ADAMTS2: variants seen among roughly 807,000 people sequenced by gnomAD.
The protein encoded by ADAMTS2 is A disintegrin and metalloproteinase with thrombospondin motifs 2.
A neutral mutation model predicts 123.0 loss-of-function variants in ADAMTS2; 50 were observed. The ratio of observed to expected loss-of-function variants is 0.41; its 90% CI spans 0.32 to 0.51. The LOEUF (loss-of-function observed/expected upper bound fraction) is 0.51, where lower values mean the gene tolerates loss of function less well. Among genes scored for constraint, ADAMTS2 ranks in the 20% least tolerant of loss-of-function variants. ADAMTS2 has a pLI of 0.35. For missense variants in ADAMTS2, 1,494 were observed against 1,705.2 expected (o/e 0.88, Z 2.18); for synonymous variants, 678 against 695.4 (o/e 0.98, Z 0.39).
Position 179,343,910 on chromosome 5 carries a change from C to G in ADAMTS2, c.391G>C (p.Val131Leu), listed in dbSNP as rs759511542. 1 of 1,606,030 alleles carries G rather than the reference C, an allele frequency of 6.2e-7. No homozygotes were observed. The highest frequency in any genetic ancestry group is 2.2e-5 in the East Asian group (1 of 44,576). Residue 131 changes from valine to leucine, a missense_variant, in exon 2 of 22, where the codon GTG becomes CTG. Physicochemically the swap from Val to Leu is conservative, Grantham distance 32. Transcript: ENST00000251582. ...CACTCCATAGTGGCCCCGGGCGCCA[C>G]GAGGCGGGCGTTGGGCCGCAGCCGC... ...HLRLRPNARL[V>L]APGATMEWQG...
At chr5:179,171,537 C>G (rs931146925) in intron 5 of ADAMTS2, among the ~76,000 whole-genome samples, 1 of 152,218 alleles carries the variant, frequency 6.6e-6, no homozygotes, top group African/African-American at 2.4e-5. Context: ...CAGAGAAGGG[C>G]ACAGCAGCGG....
At position 179,299,249 on chromosome 5, in the gene ADAMTS2, T is replaced by G. The variant is rs147133147; in HGVS notation, c.535-26185A>C. On this transcript the variant is annotated intron_variant, in intron 2 of 21. Transcript: ENST00000251582. ...GTAGTGGCTTAAAAACACAAATTTG[T>G]CCAGGCGCGGTGGCTCACGCCTGTA... is the stretch of plus-strand genomic sequence containing the variant. Among the ~76,000 whole-genome samples the G allele has an allele frequency of 8.2e-3, 1,219 of 148,640 alleles. 8 individuals are homozygous for G. Among genetic ancestry groups the G allele is most frequent in the Middle Eastern group, 0.02 (6 of 294 alleles).
chr5:179,345,396 C>A lies in ADAMTS2; in HGVS notation c.-68G>T. 9.2e-7 allele frequency: 1 copy of A among 1,091,922 alleles called. No individual in the cohort carries two copies. The highest frequency in any genetic ancestry group is 1.1e-6 in the Non-Finnish European group (1 of 898,256). 67.6% of individuals were successfully genotyped at this position (1,091,922 alleles called of 1,614,324 possible). On this transcript the variant is annotated 5_prime_UTR_variant, in exon 1 of 22. Transcript: ENST00000251582. This position sits in a 1 kb window ranked among gnomAD's most constrained non-coding sequence, Gnocchi z 7.5. Reference sequence around the variant, plus strand: ...CGAAAGTTCCCCGCGAGCCGCCCAGCCCACATCTGGGGGCAGCTGGAGCCG... The same window carrying A: ...CGAAAGTTCCCCGCGAGCCGCCCAGACCACATCTGGGGGCAGCTGGAGCCG...
At chr5:179,299,589 G>A (rs1382793283) in intron 2 of ADAMTS2, among the ~76,000 whole-genome samples, 1 of 144,348 alleles carries the variant, frequency 6.9e-6, no homozygotes, top group African/African-American at 2.6e-5. Flanking sequence ...CTAGAGATCT[G>A]AAGTCCACAA....
chr5:179,153,931 C>A (rs1260150699), intron 8 of ADAMTS2, 118 bp downstream of exon 8: 33 of 1,401,282 alleles, frequency 2.4e-5, no homozygotes, highest in Non-Finnish European at 3.0e-5. Flanking sequence ...CCCCCGCACA[C>A]AAGCTTAGAG....
Position 179,253,966 on chromosome 5 carries a change from A to C in ADAMTS2, c.688+18945T>G, listed in dbSNP as rs373907424. Among the ~76,000 whole-genome samples, 70 of 152,270 alleles carry C rather than the reference A, an allele frequency of 4.6e-4. No individual in the cohort carries two copies. In the South Asian group the frequency reaches 0.012, roughly 27 times the overall value. ...TGCACTACTCCACATTTCCCAGTTCAGAGGTGATCGGAGCCCCCTCTAATA... is the reference window on the plus strand; with the variant it reads ...TGCACTACTCCACATTTCCCAGTTCCGAGGTGATCGGAGCCCCCTCTAATA... On this transcript the variant is annotated intron_variant, in intron 3 of 21. Coordinates refer to ENST00000251582, the MANE Select transcript of ADAMTS2 (RefSeq NM_014244.5).
chr5:179,125,054 G>A lies in ADAMTS2; in HGVS notation c.2877C>T (p.Cys959=). 6.2e-7 allele frequency: 1 copy of A among 1,609,296 alleles called. No individual in the cohort carries two copies. The highest frequency in any genetic ancestry group is 1.1e-5 in the South Asian group (1 of 90,490). ...NTTRSVHAKH[C]NDARPESRRA... ...GGCGGCTCTCGGGCCGGGCGTCATT[G>A]CAGTGCTTGGCGTGCACGGAGCGGG... The change falls in exon 19 of 22, where the codon TGC becomes TGT. Residue 959 remains cysteine, a synonymous_variant. Transcript: ENST00000251582.
intron 3 of ADAMTS2, among the ~76,000 whole-genome samples, chr5:179,261,172 G>T (rs72818696): frequency 0.1 from 15,540 of 152,146 alleles, 885 homozygotes; most frequent in South Asian, 0.2. Context: ...CAATATATAA[G>T]ACCCCAGGAG....
chr5:179,261,726 G>A (rs957098206), intron 3 of ADAMTS2, among the ~76,000 whole-genome samples: 10 of 152,188 alleles, frequency 6.6e-5, no homozygotes, highest in African/African-American at 2.4e-4. Flanking sequence ...AAGGCCTAGA[G>A]GCAGCCACAC....
chr5:179,116,832 GC>G (rs1365984921), intron 21 of ADAMTS2, among the ~76,000 whole-genome samples: 1 of 152,146 alleles, frequency 6.6e-6, no homozygotes, highest in Non-Finnish European at 1.5e-5. Flanking sequence ...ATGACTGGCT[GC>G]AGGGTCCACC....
rs1763910622 is a variant in ADAMTS2, at chr5:179,175,450, ACT to A, written c.975+5620_975+5621del. ...AGCATTTGTGTCTTCATTTGTGATC[ACT>A]TTCTTCCTATCATTAATCAGGTACA... is the stretch of plus-strand genomic sequence containing the variant. On this transcript the variant is annotated intron_variant, in intron 5 of 21. Coordinates refer to ENST00000251582, the MANE Select transcript of ADAMTS2 (RefSeq NM_014244.5). The surrounding 1 kb of genome is among the most constrained non-coding windows in gnomAD (Gnocchi z 4.1). 6.6e-6 allele frequency among the ~76,000 whole-genome samples: 1 copy of A among 152,204 alleles called. No individual in the cohort carries two copies. Among genetic ancestry groups the A allele is most frequent in the Non-Finnish European group, 1.5e-5 (1 of 68,036 alleles).
intron 2 of ADAMTS2, among the ~76,000 whole-genome samples, chr5:179,323,875 A>C (rs1757247124): frequency 6.6e-6 from 1 of 152,268 alleles, no homozygotes. Flanking sequence ...CACAAGAGCT[A>C]AAGGGTGGAA....
chr5:179,258,313 C>T (rs1459071989), intron 3 of ADAMTS2, among the ~76,000 whole-genome samples: 1 of 151,958 alleles, frequency 6.6e-6, no homozygotes, highest in Non-Finnish European at 1.5e-5. Context: ...TCCTCGTCAA[C>T]TTGACCCCTG....
intron 2 of ADAMTS2, among the ~76,000 whole-genome samples, chr5:179,329,893 G>A (rs942428808): frequency 1.4e-4 from 22 of 152,156 alleles, no homozygotes; most frequent in Admixed American, 2.6e-4. Flanking sequence ...TTGGGAGGCC[G>A]AGGCGGGTGG....
chr5:179,114,310 C>G lies in ADAMTS2; in HGVS notation c.3193G>C (p.Gly1065Arg), dbSNP rs747348237. 8.5e-5 allele frequency: 137 copies of G among 1,613,676 alleles called. No individual in the cohort carries two copies. The South Asian group carries it at 1.5e-3, about 17-fold the overall frequency. ...ATCCTACAGAATATTGACTTGTCGC[C>G]TTGGCAGTGGCCCTCTGAAAAAGAA... Reference protein sequence around the residue: ...RKISSKGHCQGDKSIFCRMEV... With the variant: ...RKISSKGHCQRDKSIFCRMEV... The change falls in exon 22 of 22, where the codon GGC becomes CGC. Residue 1065 changes from glycine to arginine, a missense_variant. Around this residue, in one of 6 missense-constraint regions of ADAMTS2, gnomAD observed 953 missense variants for 1,124.7 expected, o/e 0.85. Coordinates refer to ENST00000251582, the MANE Select transcript of ADAMTS2 (RefSeq NM_014244.5).
intron 2 of ADAMTS2, among the ~76,000 whole-genome samples, chr5:179,319,701 A>T (rs1215050719): frequency 2.6e-5 from 4 of 151,666 alleles, no homozygotes; most frequent in Non-Finnish European, 4.4e-5. Flanking sequence ...TCCACACTCA[A>T]CCAGTAGAAT....
chr5:179,339,276 G>A (rs1303031134), intron 2 of ADAMTS2, among the ~76,000 whole-genome samples: 1 of 152,238 alleles, frequency 6.6e-6, no homozygotes, highest in Non-Finnish European at 1.5e-5. Context: ...ACCCAGAGAG[G>A]AGGGCTTTCC....
intron 2 of ADAMTS2, among the ~76,000 whole-genome samples, chr5:179,318,445 G>A (rs143224399): frequency 4.6e-5 from 7 of 152,028 alleles, no homozygotes; most frequent in African/African-American, 1.4e-4. Flanking sequence ...AGCCAGGGAC[G>A]GCCACAGCTG....
intron 3 of ADAMTS2, among the ~76,000 whole-genome samples, chr5:179,223,544 ACGAATGCACTCACACACACG>A (rs1471509469): frequency 1.4e-5 from 2 of 145,306 alleles, no homozygotes; most frequent in Non-Finnish European, 3.0e-5. Flanking sequence ...TCACACTCAC[ACGAATGCACTCACACACACG>A]CGAATGCACT....
Sources: allele counts gnomAD v4.1 joint callset (sites outside exome capture counted in the v4.1 genomes callset), GRCh38; gene constraint gnomAD v4.1.1; regional missense constraint gnomAD v4.1.1; non-coding constraint Gnocchi (gnomAD v3.1); transcripts MANE v1.5; gene names NCBI Gene and HGNC (gene_info 2026-07-23, HGNC 2026-07-21).